The following AQP7B variants were observed in gnomAD, a reference collection of about 807,000 sequenced individuals.
AQP7B encodes the protein aquaporin 7B.
chr2:94,599,557 C>T, the AQP7B span, among the ~76,000 whole-genome samples: 1 of 152,092 alleles, frequency 6.6e-6, no homozygotes, highest in Admixed American at 6.5e-5. Context: ...ACCCATTAAC[C>T]ACCCGTGTAT....
At chr2:94,602,382 T>C in the AQP7B span, 12 of 1,171,796 alleles carry the variant, frequency 1.0e-5, no homozygotes, top group African/African-American at 1.6e-5. Context: ...TTCCAGGCAA[T>C]GCCAGGGAGG....
the AQP7B span, among the ~76,000 whole-genome samples, chr2:94,591,719 AG>A: frequency 6.6e-6 from 1 of 152,146 alleles, no homozygotes; most frequent in Non-Finnish European, 1.5e-5. Context: ...ATACTGCCTT[AG>A]TTGCAGGCCT....
chr2:94,595,309 C>T, the AQP7B span, among the ~76,000 whole-genome samples: 1 of 152,100 alleles, frequency 6.6e-6, no homozygotes. Flanking sequence ...GTGGCGGACT[C>T]CTGTAATCTC....
the AQP7B span, chr2:94,594,738 T>C: frequency 3.3e-5 from 52 of 1,554,234 alleles, no homozygotes; most frequent in South Asian, 5.5e-4. Flanking sequence ...CGGGCCACTG[T>C]CTCAGGTCCA....
chr2:94,593,853 C>T, the AQP7B span, among the ~76,000 whole-genome samples: 2 of 152,084 alleles, frequency 1.3e-5, no homozygotes, highest in Non-Finnish European at 2.9e-5. Flanking sequence ...CTATACGTCT[C>T]CCTATATGCA....
the AQP7B span, among the ~76,000 whole-genome samples, chr2:94,587,346 A>G: frequency 4.6e-5 from 7 of 152,202 alleles, no homozygotes; most frequent in African/African-American, 1.7e-4. Context: ...GAAGAAGATC[A>G]AGATGCGCTT....
chr2:94,600,748 G>A, the AQP7B span, among the ~76,000 whole-genome samples: 6 of 152,184 alleles, frequency 3.9e-5, no homozygotes, highest in Middle Eastern at 3.4e-3. Flanking sequence ...GCATGGTGGC[G>A]TGCACCTACA....
the AQP7B span, among the ~76,000 whole-genome samples, chr2:94,602,003 T>C: frequency 1.2e-4 from 18 of 149,340 alleles, 1 homozygote; most frequent in Admixed American, 1.2e-3. Flanking sequence ...TCCAGCATTG[T>C]GGGAATTGCG....
At chr2:94,604,568 T>G in the AQP7B span, 1 of 1,585,564 alleles carries the variant, frequency 6.3e-7, no homozygotes, top group Non-Finnish European at 8.6e-7. Flanking sequence ...CCTAGAGCAC[T>G]TCTAAGCAGA....
the AQP7B span, chr2:94,588,487 G>T: frequency 2.4e-5 from 16 of 653,074 alleles, no homozygotes; most frequent in East Asian, 3.8e-4. Flanking sequence ...ACCTCTCTTT[G>T]GCTCCTCAGC....
At chr2:94,588,506 A>G in the AQP7B span, 1 of 736,828 alleles carries the variant, frequency 1.4e-6, no homozygotes, top group Non-Finnish European at 2.3e-6. Context: ...GCATCTACAA[A>G]TCTGAAGGAC....
chr2:94,603,647 C>A, the AQP7B span: 2 of 1,308,282 alleles, frequency 1.5e-6, no homozygotes, highest in Non-Finnish European at 2.1e-6. Flanking sequence ...TGGGTCTGGG[C>A]CACTGCCGAT....
At chr2:94,603,460 C>A in the AQP7B span, 7 of 1,611,856 alleles carry the variant, frequency 4.3e-6, no homozygotes, top group Non-Finnish European at 5.9e-6. Flanking sequence ...TGCCACCTAC[C>A]TTCCTGATCA....
At chr2:94,603,009 C>T in the AQP7B span, 1 of 1,583,460 alleles carries the variant, frequency 6.3e-7, no homozygotes, top group Non-Finnish European at 8.6e-7. Context: ...TGCTCTCACT[C>T]CCTGACACAC....
At chr2:94,603,869 C>T in the AQP7B span, 3 of 1,396,598 alleles carry the variant, frequency 2.1e-6, no homozygotes, top group Non-Finnish European at 3.0e-6. Flanking sequence ...ATCAATCCAT[C>T]CCGGGACCCG....
chr2:94,589,388 C>T, the AQP7B span, among the ~76,000 whole-genome samples: 4 of 152,044 alleles, frequency 2.6e-5, no homozygotes, highest in African/African-American at 4.8e-5. Context: ...AGGCTTTCTG[C>T]AGTTAACATA....
At chr2:94,595,884 G>T in the AQP7B span, among the ~76,000 whole-genome samples, 1 of 152,180 alleles carries the variant, frequency 6.6e-6, no homozygotes, top group African/African-American at 2.4e-5. Flanking sequence ...CTCAGGAGAG[G>T]CTTGGTCTGG....
chr2:94,594,755 G>C, the AQP7B span: 1 of 1,579,986 alleles, frequency 6.3e-7, no homozygotes, highest in South Asian at 1.1e-5. Context: ...TCCACCCGTG[G>C]CTCCAAAATG....
the AQP7B span, chr2:94,604,340 T>G: frequency 6.2e-7 from 1 of 1,610,806 alleles, no homozygotes; most frequent in African/African-American, 1.3e-5. Context: ...TCTGGGTGCC[T>G]CTCTAGGTGG....
Sources: allele counts gnomAD v4.1 joint callset (sites outside exome capture counted in the v4.1 genomes callset), GRCh38; gene constraint gnomAD v4.1.1; transcripts MANE v1.5; gene names NCBI Gene and HGNC (gene_info 2026-07-23, HGNC 2026-07-21).